IGF1: variants seen among roughly 807,000 people sequenced by gnomAD.
IGF1 encodes the protein insulin like growth factor 1.
In IGF1, 4 loss-of-function variants were observed where a neutral mutation model predicts 13.8. The ratio of observed to expected loss-of-function variants is 0.29; its 90% confidence interval spans 0.14 to 0.66. IGF1 has a LOEUF of 0.66. Among genes scored for constraint, IGF1 ranks in the 30% least tolerant of loss-of-function variants. The probability of loss-of-function intolerance (pLI) is 0.78; values close to 1 mark genes in which losing one functional copy is unlikely to be tolerated. For missense variants in IGF1, 124 were observed against 188.5 expected, an observed-to-expected ratio of 0.66 and a Z score of 2.00; for synonymous variants, 76 against 72.6, an observed-to-expected ratio of 1.05 and a Z score of -0.23.
intron 2 of IGF1, among the ~76,000 whole-genome samples, chr12:102,458,447 C>A (rs368927317): frequency 5.3e-5 from 8 of 152,168 alleles, no homozygotes; most frequent in African/African-American, 1.9e-4. Flanking sequence ...TTAGTAGTTT[C>A]CTTTAGATAC....
At chr12:102,467,941 T>TG (rs957134080) in intron 2 of IGF1, among the ~76,000 whole-genome samples, 3 of 152,238 alleles carry the variant, frequency 2.0e-5, no homozygotes, top group Admixed American at 2.0e-4. Flanking sequence ...TTCATGTACA[T>TG]GAATGTATGG....
intron 2 of IGF1, among the ~76,000 whole-genome samples, chr12:102,438,856 T>TC (rs1004542953): frequency 6.6e-6 from 1 of 152,112 alleles, no homozygotes; most frequent in Admixed American, 6.5e-5. Flanking sequence ...GAGAGGGACC[T>TC]CCCCCATCCA....
At chr12:102,474,894 G>A (rs1880916154) in intron 2 of IGF1, among the ~76,000 whole-genome samples, 1 of 152,152 alleles carries the variant, frequency 6.6e-6, no homozygotes, top group Non-Finnish European at 1.5e-5. Flanking sequence ...TTTACTGGCT[G>A]TTGACTTTCT....
At position 102,395,920 on chromosome 12, in the gene IGF1, A is replaced by G. The variant is rs1306262478; in HGVS notation, c.*6587T>C. 3 of 152,218 alleles carry G rather than the reference A, an allele frequency of 2.0e-5. No homozygotes were observed. Among genetic ancestry groups the G allele is most frequent in the African/African-American group, 4.8e-5 (2 of 41,466 alleles). The allele number at this position is 152,218 out of a possible 1,614,324, so 9.4% of individuals were successfully genotyped here. ...TAATGTAATTACTAAAGAAAGATAT[A>G]CCATTTTATTATGACACTCTAGCCA... is the stretch of plus-strand genomic sequence containing the variant. On this transcript the variant is annotated 3_prime_UTR_variant, in exon 4 of 4. Transcript: ENST00000337514.
At chr12:102,431,350 A>G (rs1876722494) in intron 2 of IGF1, among the ~76,000 whole-genome samples, 1 of 152,216 alleles carries the variant, frequency 6.6e-6, no homozygotes, top group South Asian at 2.1e-4. Flanking sequence ...GTTGAAAACT[A>G]TTCCATTAAA....
At chr12:102,411,700 T>C (rs1005739118) in intron 3 of IGF1, among the ~76,000 whole-genome samples, 2 of 152,238 alleles carry the variant, frequency 1.3e-5, no homozygotes, top group Non-Finnish European at 2.9e-5. Context: ...ATTTTGACCA[T>C]GTCAGTTAGA....
At chr12:102,441,861 ATCCAAACTCAAGACTTTCTGAGCACTAAG>A in intron 2 of IGF1, among the ~76,000 whole-genome samples, 1 of 144,926 alleles carries the variant, frequency 6.9e-6, no homozygotes, top group Non-Finnish European at 1.5e-5. Flanking sequence ...CCAAACCAGG[ATCCAAACTCAAGACTTTCTGAGCACTAAG>A]TCATTCTATT....
At chr12:102,446,808 T>G (rs1878378652) in intron 2 of IGF1, among the ~76,000 whole-genome samples, 1 of 152,190 alleles carries the variant, frequency 6.6e-6, no homozygotes, top group Non-Finnish European at 1.5e-5. Context: ...CTTTTAATTG[T>G]GATGTTCAGG....
At chr12:102,441,089 C>T (rs1033301594) in intron 2 of IGF1, among the ~76,000 whole-genome samples, 1 of 152,192 alleles carries the variant, frequency 6.6e-6, no homozygotes, top group East Asian at 1.9e-4. Context: ...GCAGTCCCTT[C>T]ACTGCACTTT....
In IGF1 at chr12:102,401,736, A is replaced by G. The variant is rs3730204; in HGVS notation, c.*771T>C. On this transcript the variant is annotated 3_prime_UTR_variant, in exon 4 of 4. Coordinates refer to ENST00000337514, the MANE Select transcript of IGF1 (RefSeq NM_000618.5). ...TACTAATTAGGTTGCACATTAACTC[A>G]TCATTTGAAGGAACTCTTTTGAGTT... 0.011 allele frequency: 1,649 copies of G among 152,662 alleles called. 18 individuals carry two copies. Among genetic ancestry groups the G allele is most frequent in the South Asian group, 0.019 (93 of 4,824 alleles). 9.5% of individuals were successfully genotyped at this position (152,662 alleles called of 1,614,324 possible).
intron 2 of IGF1, among the ~76,000 whole-genome samples, chr12:102,429,336 T>A (rs1047536350): frequency 2.6e-5 from 4 of 152,210 alleles, no homozygotes; most frequent in Non-Finnish European, 5.9e-5. Flanking sequence ...CTTCCTTAAA[T>A]TATTGTATTT....
chr12:102,456,223 TGTGTGTG>T (rs1240700654), intron 2 of IGF1, among the ~76,000 whole-genome samples: 3 of 16,538 alleles, frequency 1.8e-4, no homozygotes, highest in East Asian at 6.7e-3. Flanking sequence ...TTAAAAAAGG[TGTGTGTG>T]TGTGTGTGTG....
chr12:102,441,317 C>A (rs1219343364), intron 2 of IGF1, among the ~76,000 whole-genome samples: 1 of 152,218 alleles, frequency 6.6e-6, no homozygotes, highest in Non-Finnish European at 1.5e-5. Flanking sequence ...TGACTCCTTT[C>A]TACTCCTTTA....
At chr12:102,453,970 T>C (rs1472796349) in intron 2 of IGF1, among the ~76,000 whole-genome samples, 2 of 152,202 alleles carry the variant, frequency 1.3e-5, no homozygotes, top group African/African-American at 4.8e-5. Flanking sequence ...TAAAACAGTG[T>C]CATGCATATA....
intron 1 of IGF1, among the ~76,000 whole-genome samples, chr12:102,477,475 C>G (rs1881127807): frequency 6.6e-6 from 1 of 151,796 alleles, no homozygotes; most frequent in Non-Finnish European, 1.5e-5. Context: ...TGGAAATCTT[C>G]CACCCCCTAC....
Position 102,448,639 on chromosome 12 carries a change from T to C in IGF1, c.220+27004A>G, listed in dbSNP as rs111552515. Among the ~76,000 whole-genome samples, 283 of 140,770 alleles carry C rather than the reference T, an allele frequency of 2.0e-3. 1 individual carries two copies. Among genetic ancestry groups the C allele is most frequent in the African/African-American group, 7.1e-3 (270 of 37,894 alleles). The allele number at this position is 140,770 out of a possible 152,430, so 92.4% of individuals were successfully genotyped here. A position where few individuals can be genotyped will look rare whatever the true frequency, so the allele number is the denominator to read the frequency against. ...TACCAGCATGGCACATGTATACATA[T>C]GTAACTAACTTGCACAATGTGCACA... is the stretch of plus-strand genomic sequence containing the variant. On this transcript the variant is annotated intron_variant, in intron 2 of 3. Coordinates refer to ENST00000337514, the MANE Select transcript of IGF1 (RefSeq NM_000618.5).
At chr12:102,474,899 C>T (rs922813037) in intron 2 of IGF1, among the ~76,000 whole-genome samples, 1 of 152,174 alleles carries the variant, frequency 6.6e-6, no homozygotes, top group African/African-American at 2.4e-5. Context: ...TGGCTGTTGA[C>T]TTTCTAATCA....
chr12:102,405,992 T>C lies in IGF1; in HGVS notation c.403-3426A>G, dbSNP rs556825849. Among the ~76,000 whole-genome samples the C allele has an allele frequency of 2.0e-5, 3 of 152,372 alleles. No homozygotes were observed. In the South Asian group the frequency reaches 6.2e-4, roughly 32 times the overall value. On this transcript the variant is annotated intron_variant, in intron 3 of 3. Transcript: ENST00000337514. ...AAGTCTGAGCGGAGGGATTCCCTGG[T>C]CTGTTTCTTCTGGGTCTGTCTCAGC...
In IGF1 at chr12:102,462,815, T is replaced by C. The variant is rs190721250; in HGVS notation, c.220+12828A>G. 3 of 152,330 alleles carry C rather than the reference T, an allele frequency of 2.0e-5. No homozygotes were observed. The East Asian group carries it at 5.8e-4, about 29-fold the overall frequency. The allele number at this position is 152,330 out of a possible 1,614,324, so 9.4% of individuals were successfully genotyped here. On this transcript the variant is annotated intron_variant, in intron 2 of 3. Transcript: ENST00000337514. Reference sequence around the variant, plus strand: ...TGAGAGACTGGAATTATAAGGTGAATGCAATTAACTGGCAGTCGCATCCAT... The same window carrying C: ...TGAGAGACTGGAATTATAAGGTGAACGCAATTAACTGGCAGTCGCATCCAT...
Sources: gnomAD v4.1 joint callset for allele counts (sites outside exome capture counted in the v4.1 genomes callset) on GRCh38, gnomAD v4.1.1 for gene constraint, MANE v1.5 for transcripts, NCBI Gene and HGNC (gene_info 2026-07-23, HGNC 2026-07-21) for gene names.